The following TBC1D32 variants were observed in gnomAD, a reference collection of about 807,000 sequenced individuals.
TBC1D32 encodes the protein TBC1 domain family member 32.
TBC1D32 carries 151 observed loss-of-function variants against 170.3 expected under a neutral mutation model. The observed-to-expected ratio is 0.89, with a 90% CI of 0.78 to 1.01. The LOEUF is 1.01. Ranked by LOEUF, TBC1D32 falls within the 50% of genes least tolerant of loss-of-function variation. The pLI, the probability that TBC1D32 is intolerant of heterozygous loss-of-function variation, is 0.00. For missense variants in TBC1D32, 1,464 were observed against 1,457.1 expected, an observed-to-expected ratio of 1.00 and a Z score of -0.08; for synonymous variants, 498 against 488.0, an observed-to-expected ratio of 1.02 and a Z score of -0.27.
rs573436570 is a variant in TBC1D32 at position 121,247,186 on chromosome 6, A to G, written c.2019-4847T>C. Among the ~76,000 whole-genome samples the G allele has an allele frequency of 1.3e-4, 20 of 152,232 alleles. 1 individual carries two copies. Among genetic ancestry groups the G allele is most frequent in the Middle Eastern group, 6.8e-3 (2 of 294 alleles). ...CTTATTTATAGCTCCCTTAAGCAAA[A>G]TAATTGTCAGCCAATAATTTTGTAT... On this transcript the variant is annotated intron_variant, in intron 17 of 31. Coordinates refer to ENST00000398212, the MANE Select transcript of TBC1D32 (RefSeq NM_152730.6).
At chr6:121,241,613 A>G in intron 18 of TBC1D32, 61 bp from the exon 19 acceptor site, 1 of 1,346,730 alleles carries the variant, frequency 7.4e-7, no homozygotes. Context: ...CTAACTAGAC[A>G]TTCCTTCAAG....
chr6:121,228,878 A>G (rs1298219149), intron 20 of TBC1D32, among the ~76,000 whole-genome samples: 12 of 152,066 alleles, frequency 7.9e-5, no homozygotes. Flanking sequence ...TTCTTCCTTA[A>G]ATTCTATTTT....
chr6:121,187,183 C>T (rs535987848), intron 22 of TBC1D32, among the ~76,000 whole-genome samples: 2 of 151,982 alleles, frequency 1.3e-5, no homozygotes, highest in African/African-American at 4.8e-5. Context: ...GCACAGTATC[C>T]CTTCTCTCAG....
chr6:121,170,442 G>T, intron 22 of TBC1D32: 1 of 1,605,816 alleles, frequency 6.2e-7, no homozygotes, highest in South Asian at 1.1e-5. Context: ...TTTTCTTCTT[G>T]AGCATTTAGT....
intron 25 of TBC1D32, among the ~76,000 whole-genome samples, chr6:121,131,122 T>C (rs1017806325): frequency 1.3e-5 from 2 of 152,002 alleles, no homozygotes; most frequent in African/African-American, 4.8e-5. Flanking sequence ...AATAAATATG[T>C]TAATTTAAAA....
chr6:121,189,972 C>T (rs1455311564), intron 22 of TBC1D32, among the ~76,000 whole-genome samples: 3 of 151,818 alleles, frequency 2.0e-5, no homozygotes, highest in African/African-American at 7.3e-5. Flanking sequence ...CAACTAAATG[C>T]CCATTTTAGT....
chr6:121,200,723 A>T (rs1468694080), intron 22 of TBC1D32, among the ~76,000 whole-genome samples: 1 of 151,606 alleles, frequency 6.6e-6, no homozygotes, highest in Non-Finnish European at 1.5e-5. Context: ...TGCAAAGAGA[A>T]GACAAGATCA....
intron 17 of TBC1D32, among the ~76,000 whole-genome samples, chr6:121,248,388 T>C (rs1247110041): frequency 1.3e-5 from 2 of 151,760 alleles, no homozygotes; most frequent in South Asian, 2.1e-4. Flanking sequence ...ATAGACAACC[T>C]AATGTCACAC....
At chr6:121,103,115 A>G (rs1472908280) in intron 30 of TBC1D32, among the ~76,000 whole-genome samples, 1 of 152,118 alleles carries the variant, frequency 6.6e-6, no homozygotes, top group African/African-American at 2.4e-5. Context: ...GAGAAATAGG[A>G]ACACTTTTAC....
chr6:121,172,644 C>G (rs780514364), intron 22 of TBC1D32, among the ~76,000 whole-genome samples: 1 of 152,134 alleles, frequency 6.6e-6, no homozygotes, highest in Non-Finnish European at 1.5e-5. Flanking sequence ...CCAGCTATGA[C>G]CATGTGACCA....
intron 30 of TBC1D32, among the ~76,000 whole-genome samples, chr6:121,093,234 A>T (rs941280663): frequency 9.9e-5 from 15 of 152,072 alleles, no homozygotes; most frequent in Admixed American, 3.9e-4. Flanking sequence ...ACGTTACTAA[A>T]TCTCCATTGC....
chr6:121,124,917 A>G (rs967816271), intron 26 of TBC1D32, among the ~76,000 whole-genome samples: 1 of 152,140 alleles, frequency 6.6e-6, no homozygotes, highest in South Asian at 2.1e-4. Context: ...AATTTCTCTG[A>G]TAAGTTTCTG....
chr6:121,161,055 C>A lies in TBC1D32; in HGVS notation c.2572G>T (p.Asp858Tyr). 6.2e-7 allele frequency: 1 copy of A among 1,602,306 alleles called. No individual in the cohort carries two copies. The highest frequency in any genetic ancestry group is 1.1e-5 in the South Asian group (1 of 88,832). Residue 858 changes from aspartate to tyrosine, a missense_variant and splice_region_variant, in exon 23 of 32, where the codon GAC becomes TAC. Asp to Tyr is a radical substitution (Grantham distance 160). Transcript: ENST00000398212. Reference protein sequence around the residue: ...YEQSHIFGLRDFIIDGLSVER... With the variant: ...YEQSHIFGLRYFIIDGLSVER... Reference sequence around the variant, plus strand: ...ACTGATAAGCCATCAATTATAAAGTCCCTGAAAAAATAAATATATCACCTT... The same window carrying A: ...ACTGATAAGCCATCAATTATAAAGTACCTGAAAAAATAAATATATCACCTT...
chr6:121,264,745 G>A (rs970490927), intron 15 of TBC1D32, among the ~76,000 whole-genome samples: 2 of 152,154 alleles, frequency 1.3e-5, no homozygotes. Flanking sequence ...TCCCTGGGAT[G>A]CAAGGCTGGT....
intron 21 of TBC1D32, among the ~76,000 whole-genome samples, chr6:121,211,041 T>C (rs975373105): frequency 6.6e-6 from 1 of 152,182 alleles, no homozygotes; most frequent in Non-Finnish European, 1.5e-5. Flanking sequence ...CTATTAATTT[T>C]GGAATCATTT....
chr6:121,116,826 T>C (rs1327440088), intron 26 of TBC1D32, among the ~76,000 whole-genome samples: 3 of 151,970 alleles, frequency 2.0e-5, no homozygotes, highest in Non-Finnish European at 4.4e-5. Flanking sequence ...CTGAGATGAG[T>C]CCTTTCACTT....
chr6:121,244,866 T>G (rs1563056349), intron 17 of TBC1D32, among the ~76,000 whole-genome samples: 1 of 152,130 alleles, frequency 6.6e-6, no homozygotes, highest in African/African-American at 2.4e-5. Flanking sequence ...GACATAAACT[T>G]TTGGGAGCTT....
rs185141047 is a variant in TBC1D32 at position 121,089,225 on chromosome 6, T to C, written c.3654+1628A>G. 6.9e-4 allele frequency among the ~76,000 whole-genome samples: 105 copies of C among 152,238 alleles called. 1 individual carries two copies. In the Middle Eastern group the frequency reaches 0.01, roughly 15 times the overall value. On this transcript the variant is annotated intron_variant, in intron 31 of 31. Transcript: ENST00000398212. The stretch of plus-strand genomic sequence containing the variant: ...GTATTGTTTGATATATTGTTGAAAA[T>C]ACATCAGTAAATGAAACAGACCAAG...
At chr6:121,264,419 A>G (rs1800177855) in intron 15 of TBC1D32, among the ~76,000 whole-genome samples, 1 of 152,212 alleles carries the variant, frequency 6.6e-6, no homozygotes, top group South Asian at 2.1e-4. Flanking sequence ...TGAGGCAGTA[A>G]TAAATAGCCT....
Sources: gnomAD v4.1 joint callset for allele counts (sites outside exome capture counted in the v4.1 genomes callset) on GRCh38, gnomAD v4.1.1 for gene constraint, MANE v1.5 for transcripts, NCBI Gene and HGNC (gene_info 2026-07-23, HGNC 2026-07-21) for gene names.